Variants in PCDHGA12 observed in about 807,000 individuals in gnomAD.
The protein encoded by PCDHGA12 is protocadherin gamma-A12.
A neutral mutation model predicts 61.1 loss-of-function variants in PCDHGA12; 43 were observed. The observed-to-expected ratio is 0.70, with a 90% CI of 0.55 to 0.91. The LOEUF (loss-of-function observed/expected upper bound fraction) is 0.91, where lower values mean the gene tolerates loss of function less well. Ranked by LOEUF, PCDHGA12 falls within the 40% of genes least tolerant of loss-of-function variation. The probability of loss-of-function intolerance (pLI) is 0.00; values close to 1 mark genes in which losing one functional copy is unlikely to be tolerated. For synonymous variants in PCDHGA12, 520 were observed against 542.9 expected, an observed-to-expected ratio of 0.96 and a Z score of 0.59; for missense variants, 1,236 against 1,227.7, an observed-to-expected ratio of 1.01 and a Z score of -0.10.
chr5:141,508,409 G>T (rs143032030), intron 3 of PCDHGA12: 4 of 152,276 alleles, frequency 2.6e-5, no homozygotes, highest in South Asian at 2.1e-4. Context: ...CTTGAGCCAC[G>T]CAGAGACTTG....
chr5:141,432,874 G>A lies in PCDHGA12; in HGVS notation c.2115G>A (p.Leu705=), dbSNP rs2097545539. 2 of 1,614,176 alleles carry A rather than the reference G, an allele frequency of 1.2e-6. No homozygotes were observed. The highest frequency in any genetic ancestry group is 1.7e-6 in the Non-Finnish European group (2 of 1,180,014). ...VAVAAVSCVF[L]AFVILLLALR... Reference sequence around the variant, plus strand: ...TGGCCGCGGTCTCCTGCGTCTTCCTGGCCTTCGTCATCTTGCTGCTGGCGC... The same window carrying A: ...TGGCCGCGGTCTCCTGCGTCTTCCTAGCCTTCGTCATCTTGCTGCTGGCGC... Residue 705 remains leucine, a synonymous_variant, in exon 1 of 4, where the codon CTG becomes CTA. Transcript: ENST00000252085. This position sits in a 1 kb window ranked among gnomAD's most constrained non-coding sequence, Gnocchi z 6.0.
At chr5:141,480,935 C>G (rs1297213622) in intron 1 of PCDHGA12, among the ~76,000 whole-genome samples, 1 of 152,092 alleles carries the variant, frequency 6.6e-6, no homozygotes, top group Non-Finnish European at 1.5e-5. Flanking sequence ...GTCCCAGCTA[C>G]TCTAGAGGCT....
At chr5:141,505,777 TCTG>T (rs77860300) in intron 3 of PCDHGA12, among the ~76,000 whole-genome samples, 6,508 of 152,280 alleles carry the variant, frequency 0.043, 161 homozygotes, top group Middle Eastern at 0.13. Context: ...AGGTCCTAGC[TCTG>T]CTACTATCCT....
At chr5:141,484,880 T>G (rs1258072805) in intron 1 of PCDHGA12, 3 of 336,846 alleles carry the variant, frequency 8.9e-6, no homozygotes, top group Admixed American at 9.2e-5. Flanking sequence ...GAGGATAGGG[T>G]GGGCTTTTTC....
chr5:141,449,724 A>AT (rs911465424), intron 1 of PCDHGA12, among the ~76,000 whole-genome samples: 1 of 151,176 alleles, frequency 6.6e-6, no homozygotes, highest in African/African-American at 2.4e-5. Context: ...ATATGATATG[A>AT]TTTTTTTATG....
intron 1 of PCDHGA12, among the ~76,000 whole-genome samples, chr5:141,494,146 T>C (rs1167835696): frequency 1.3e-5 from 2 of 152,168 alleles, no homozygotes; most frequent in Non-Finnish European, 2.9e-5. Context: ...TCACAGACCA[T>C]TGTCTGGCAC....
At chr5:141,470,838 C>T (rs142581300) in intron 1 of PCDHGA12, among the ~76,000 whole-genome samples, 5 of 152,222 alleles carry the variant, frequency 3.3e-5, no homozygotes, top group African/African-American at 7.2e-5. Flanking sequence ...CAAACACACG[C>T]CACCATGCTC....
chr5:141,490,181 G>T lies in PCDHGA12; in HGVS notation c.2425-4626G>T, dbSNP rs755899660. ...GGTCCCATAGACTTTGAGGAGTCAC[G>T]TTTCTATGAAATTCATGCAAGAGCC... is the stretch of plus-strand genomic sequence containing the variant. On this transcript the variant is annotated intron_variant, in intron 1 of 3. Coordinates refer to ENST00000252085, the MANE Select transcript of PCDHGA12 (RefSeq NM_003735.3). The surrounding 1 kb of genome is among the most constrained non-coding windows in gnomAD (Gnocchi z 5.4). The T allele has an allele frequency of 6.2e-7, 1 of 1,614,200 alleles. No individual in the cohort carries two copies. The highest frequency in any genetic ancestry group is 8.5e-7 in the Non-Finnish European group (1 of 1,180,030).
chr5:141,433,304 C>T, intron 1 of PCDHGA12, 121 bp downstream of exon 1: 1 of 932,004 alleles, frequency 1.1e-6, no homozygotes, highest in Non-Finnish European at 1.6e-6. Context: ...AGCAATTATC[C>T]CACCTTTGCC....
At chr5:141,468,428 T>C (rs936671539) in intron 1 of PCDHGA12, 11 of 151,374 alleles carry the variant, frequency 7.3e-5, no homozygotes, top group Non-Finnish European at 1.3e-4. Context: ...AGCAAGGTAA[T>C]AGCAAAATGT....
chr5:141,457,481 G>T (rs990111430), intron 1 of PCDHGA12, among the ~76,000 whole-genome samples: 1 of 152,212 alleles, frequency 6.6e-6, no homozygotes, highest in African/African-American at 2.4e-5. Context: ...CAGGGCCAGG[G>T]TTAGTCTAAA....
At chr5:141,508,383 T>C (rs1169318572) in intron 3 of PCDHGA12, 1 of 152,236 alleles carries the variant, frequency 6.6e-6, no homozygotes, top group Non-Finnish European at 1.5e-5. Flanking sequence ...CTCAGATTTA[T>C]AGATGGGAAA....
chr5:141,434,852 A>G (rs1382212982), intron 1 of PCDHGA12, among the ~76,000 whole-genome samples: 2 of 151,990 alleles, frequency 1.3e-5, no homozygotes, highest in Non-Finnish European at 2.9e-5. Context: ...AGACATCAAT[A>G]AATTTATATA....
In PCDHGA12 at chr5:141,431,129, A is replaced by G. The variant is rs771219303; in HGVS notation, c.370A>G (p.Arg124Gly). The G allele has an allele frequency of 7.4e-6, 12 of 1,614,152 alleles. No homozygotes were observed. The Admixed American group carries it at 1.7e-4, about 22-fold the overall frequency. Reference sequence around the variant, plus strand: ...AATATATGGAGTAGAAGTAGAAGTAAGGGACATTAACGACAATGCGCCTTA... The same window carrying G: ...AATATATGGAGTAGAAGTAGAAGTAGGGGACATTAACGACAATGCGCCTTA... The part of the protein sequence containing the change: ...VKIYGVEVEV[R>G]DINDNAPYFR... The change falls in exon 1 of 4, where the codon AGG (arginine) becomes GGG (glycine). Residue 124 changes from arginine to glycine, a missense_variant. Coordinates refer to ENST00000252085, the MANE Select transcript of PCDHGA12 (RefSeq NM_003735.3). The surrounding 1 kb of genome is among the most constrained non-coding windows in gnomAD (Gnocchi z 4.8).
rs755163825 is a variant in PCDHGA12, at chr5:141,491,048, C to A, written c.2425-3759C>A. 6.2e-6 allele frequency: 10 copies of A among 1,613,948 alleles called. No individual in the cohort carries two copies. Among genetic ancestry groups the A allele is most frequent in the Non-Finnish European group, 7.6e-6 (9 of 1,179,960 alleles). ...GTGGATGCTGATGCAGGCCACAATG[C>A]GTGGCTCTCCTACTCACTGTTGCCA... On this transcript the variant is annotated intron_variant, in intron 1 of 3. Coordinates refer to ENST00000252085, the MANE Select transcript of PCDHGA12 (RefSeq NM_003735.3). The surrounding 1 kb of genome is among the most constrained non-coding windows in gnomAD (Gnocchi z 6.9).
At chr5:141,468,415 G>A (rs1040067190) in intron 1 of PCDHGA12, 5 of 151,704 alleles carry the variant, frequency 3.3e-5, no homozygotes, top group Non-Finnish European at 7.4e-5. Context: ...TAATAAGTTA[G>A]ATAGCAAGGT....
intron 2 of PCDHGA12, among the ~76,000 whole-genome samples, chr5:141,495,440 A>G (rs2099761377): frequency 6.6e-6 from 1 of 151,898 alleles, no homozygotes; most frequent in African/African-American, 2.4e-5. Context: ...CTCTGCCCCT[A>G]CTTGTCCTGC....
In PCDHGA12 at chr5:141,476,073, A is replaced by C. The variant is rs765071344; in HGVS notation, c.2425-18734A>C. On this transcript the variant is annotated intron_variant, in intron 1 of 3. Coordinates refer to ENST00000252085, the MANE Select transcript of PCDHGA12 (RefSeq NM_003735.3). The surrounding 1 kb of genome is among the most constrained non-coding windows in gnomAD (Gnocchi z 7.6). ...GCTGAAAGTTTCTCAGCGAAATCTC[A>C]GGGACGATCTGGACCCCGCTGAGAG... 4 of 1,524,010 alleles carry C rather than the reference A, an allele frequency of 2.6e-6. No individual in the cohort carries two copies. Among genetic ancestry groups the C allele is most frequent in the Admixed American group, 4.2e-5 (2 of 47,746 alleles). The allele number at this position is 1,524,010 out of a possible 1,614,324, so 94.4% of individuals were successfully genotyped here. A position where few individuals can be genotyped will look rare whatever the true frequency, so the allele number is the denominator to read the frequency against.
intron 1 of PCDHGA12, chr5:141,441,529 A>C (rs1042479748): frequency 4.6e-5 from 8 of 172,366 alleles, no homozygotes; most frequent in African/African-American, 1.9e-4. Flanking sequence ...GGCCAAGAAC[A>C]ATCTTCCCAA....
Sources: allele counts gnomAD v4.1 joint callset (sites outside exome capture counted in the v4.1 genomes callset), GRCh38; gene constraint gnomAD v4.1.1; non-coding constraint Gnocchi (gnomAD v3.1); transcripts MANE v1.5; gene names NCBI Gene and HGNC (gene_info 2026-07-23, HGNC 2026-07-21).